Variants in UGGT1 observed in about 807,000 individuals in gnomAD.
UGGT1 encodes UDP-glucose:glycoprotein glucosyltransferase 1.
A neutral mutation model predicts 203.9 loss-of-function variants in UGGT1; 107 were observed. The observed-to-expected ratio is 0.52, with a 90% CI of 0.45 to 0.62. The LOEUF is 0.62. Ranked by LOEUF, UGGT1 falls within the 20% of genes least tolerant of loss-of-function variation. The pLI is 0.00. For missense variants in UGGT1, 1,673 were observed against 1,867.2 expected (o/e 0.90, Z 1.92); for synonymous variants, 628 against 653.5 (o/e 0.96, Z 0.59).
intron 36 of UGGT1, 69 bp downstream of exon 36, chr2:128,181,141 A>C: frequency 1.4e-6 from 2 of 1,444,144 alleles, no homozygotes; most frequent in Non-Finnish European, 1.9e-6. Flanking sequence ...TTTAAATGCT[A>C]TTTTTTCCAC....
chr2:128,186,599 C>T, intron 38 of UGGT1, 84 bp from the exon 39 acceptor site: 1 of 1,133,610 alleles, frequency 8.8e-7, no homozygotes, highest in Non-Finnish European at 1.2e-6. Context: ...AGAGTGGGAC[C>T]CCATCTCTCA....
intron 18 of UGGT1, 97 bp downstream of exon 18, chr2:128,146,064 T>C: frequency 6.9e-7 from 1 of 1,453,232 alleles, no homozygotes; most frequent in South Asian, 1.2e-5. Flanking sequence ...GTATCACTAT[T>C]TGGGAGGCTG....
In UGGT1 at chr2:128,171,237, A is replaced by G; in HGVS notation, c.3057A>G (p.Arg1019=). Residue 1019 remains arginine (R), a synonymous_variant, in exon 28 of 41, where the codon AGA becomes AGG. Coordinates refer to ENST00000259253, the MANE Select transcript of UGGT1 (RefSeq NM_020120.4). ...VLAQLINMNL[R]VFMNCQSKLS... ...CTCAGCTGATAAACATGAATCTGAG[A>G]GTATTTATGAACTGCCAATCCAAAC... is the stretch of plus-strand genomic sequence containing the variant. 3 of 1,613,574 alleles carry G rather than the reference A, an allele frequency of 1.9e-6. No homozygotes were observed. The highest frequency in any genetic ancestry group is 2.5e-6 in the Non-Finnish European group (3 of 1,179,846).
intron 1 of UGGT1, 42 bp from the exon 2 acceptor site, chr2:128,097,387 A>T (rs964492729): frequency 6.3e-7 from 1 of 1,583,756 alleles, no homozygotes; most frequent in Non-Finnish European, 8.5e-7. Context: ...AAAAAAAAAA[A>T]ATTTCCTTGT....
chr2:128,138,577 G>A, intron 15 of UGGT1, 140 bp from the exon 16 acceptor site: 1 of 933,632 alleles, frequency 1.1e-6, no homozygotes, highest in South Asian at 1.7e-5. Flanking sequence ...TTAGAGTAGA[G>A]TAGGCTGTGA....
intron 30 of UGGT1, 88 bp from the exon 31 acceptor site, chr2:128,174,685 G>A: frequency 1.8e-6 from 2 of 1,094,786 alleles, no homozygotes; most frequent in Non-Finnish European, 2.7e-6. Context: ...ATAGTTGATT[G>A]ATATTTCAGA....
In UGGT1 at chr2:128,190,884, C is replaced by T. The variant is rs1337362884; in HGVS notation, c.*1142C>T. The T allele has an allele frequency of 6.6e-6, 1 of 152,302 alleles. No homozygotes were observed. The highest frequency in any genetic ancestry group is 6.5e-5 in the Admixed American group (1 of 15,290). The allele number at this position is 152,302 out of a possible 1,614,324, so 9.4% of individuals were successfully genotyped here. On this transcript the variant is annotated 3_prime_UTR_variant, in exon 41 of 41. Transcript: ENST00000259253. ...CCCTGCAGGTTGCCTTTGGCGCCCA[C>T]ACCAGTTCTGTCTTCATGTCGCTGC... is the stretch of plus-strand genomic sequence containing the variant.
chr2:128,138,454 G>T (rs534767758), intron 15 of UGGT1, among the ~76,000 whole-genome samples: 3 of 152,006 alleles, frequency 2.0e-5, no homozygotes, highest in East Asian at 3.9e-4. Context: ...GACGGAGGTT[G>T]CAGTGAGCCG....
At chr2:128,107,821 A>G in intron 3 of UGGT1, 117 bp from the exon 4 acceptor site, 1 of 1,374,704 alleles carries the variant, frequency 7.3e-7, no homozygotes, top group South Asian at 1.3e-5. Context: ...AAGACAATAT[A>G]CTGGTAAAAC....
chr2:128,142,355 G>A (rs1446806595), intron 16 of UGGT1, among the ~76,000 whole-genome samples: 1 of 151,566 alleles, frequency 6.6e-6, no homozygotes, highest in Non-Finnish European at 1.5e-5. Context: ...GGAGGCCGAG[G>A]CGGGCGAATC....
Position 128,100,970 on chromosome 2 carries a change from C to T in UGGT1, c.195-2962C>T, listed in dbSNP as rs73957668. 5.2e-3 allele frequency among the ~76,000 whole-genome samples: 785 copies of T among 152,292 alleles called. 10 individuals carry two copies. The highest frequency in any genetic ancestry group is 0.017 in the African/African-American group (688 of 41,562). ...ACTTCCTTATCACAGACATCTCCCC[C>T]TTTCATGATATCCCTGGTCATTTGC... is the stretch of plus-strand genomic sequence containing the variant. On this transcript the variant is annotated intron_variant, in intron 2 of 40. Transcript: ENST00000259253.
At chr2:128,149,490 C>CA (rs914045026) in intron 18 of UGGT1, among the ~76,000 whole-genome samples, 13 of 148,254 alleles carry the variant, frequency 8.8e-5, no homozygotes, top group Admixed American at 2.0e-4. Flanking sequence ...TAAAAACACA[C>CA]AAAAAAAATT....
chr2:128,169,614 C>T lies in UGGT1; in HGVS notation c.2922-674C>T, dbSNP rs1277125304. Among the ~76,000 whole-genome samples the T allele has an allele frequency of 3.9e-5, 6 of 152,292 alleles. No homozygotes were observed. The East Asian group carries it at 1.2e-3, about 29-fold the overall frequency. The stretch of plus-strand genomic sequence containing the variant: ...GAAAGTTGGTTGTACAAATTGTTTA[C>T]AGGTTGAAAGCCATCTCTATGTCCA... On this transcript the variant is annotated intron_variant, in intron 26 of 40. Transcript: ENST00000259253.
intron 37 of UGGT1, among the ~76,000 whole-genome samples, chr2:128,183,108 G>A (rs1173692047): frequency 3.3e-5 from 5 of 152,110 alleles, no homozygotes; most frequent in Admixed American, 1.3e-4. Context: ...ATTCCTAGAC[G>A]TAGACCTTTT....
chr2:128,148,444 C>T (rs1047156569), intron 18 of UGGT1, among the ~76,000 whole-genome samples: 1 of 152,198 alleles, frequency 6.6e-6, no homozygotes, highest in Non-Finnish European at 1.5e-5. Flanking sequence ...GCTTGTTTAA[C>T]TTACTGGTCA....
At chr2:128,124,659 CTCT>C (rs1194892988) in intron 11 of UGGT1, among the ~76,000 whole-genome samples, 1 of 144,712 alleles carries the variant, frequency 6.9e-6, no homozygotes, top group Non-Finnish European at 1.5e-5. Context: ...TTTTAAAAGT[CTCT>C]TCTTTCCTAT....
Position 128,160,494 on chromosome 2 carries a change from A to G in UGGT1, c.2597A>G (p.Glu866Gly), listed in dbSNP as rs1444097406. 1.1e-5 allele frequency: 18 copies of G among 1,611,550 alleles called. No homozygotes were observed. Among genetic ancestry groups the G allele is most frequent in the Non-Finnish European group, 1.4e-5 (16 of 1,179,372 alleles). The change falls in exon 24 of 41, where the codon GAG (glutamate) becomes GGG (glycine). Residue 866 changes from glutamate (E) to glycine (G), a missense_variant. Around this residue, in one of 4 missense-constraint regions of UGGT1, gnomAD observed 1,073 missense variants for 1,078.7 expected, o/e 0.99. Coordinates refer to ENST00000259253, the MANE Select transcript of UGGT1 (RefSeq NM_020120.4). ...MDFSLFKEVFESSKMDFILSH... is the reference protein window; with the variant it reads ...MDFSLFKEVFGSSKMDFILSH... ...TTCAGTCTTTTTAAAGAGGTCTTTG[A>G]GTCTTCCAAAATGGATTTCATTTTG...
intron 37 of UGGT1, 109 bp from the exon 38 acceptor site, chr2:128,183,566 C>T: frequency 1.3e-6 from 1 of 760,146 alleles, no homozygotes; most frequent in Non-Finnish European, 2.2e-6. Context: ...CATACCTTTT[C>T]AAAGAAAAGC....
chr2:128,143,768 C>G (rs568387506), intron 17 of UGGT1, among the ~76,000 whole-genome samples: 1 of 151,676 alleles, frequency 6.6e-6, no homozygotes, highest in South Asian at 2.1e-4. Flanking sequence ...TAGAAGTACT[C>G]TTAAGGCAGG....
Sources: gnomAD v4.1 joint callset for allele counts (sites outside exome capture counted in the v4.1 genomes callset) on GRCh38, gnomAD v4.1.1 for gene constraint, gnomAD v4.1.1 regional missense constraint, MANE v1.5 for transcripts, NCBI Gene and HGNC (gene_info 2026-07-23, HGNC 2026-07-21) for gene names.